TSHR: variants seen among roughly 807,000 people sequenced by gnomAD.
The protein encoded by TSHR is thyroid stimulating hormone receptor, also known as thyrotropin receptor.
In TSHR, 51 loss-of-function variants were observed where a neutral mutation model predicts 64.1. The observed-to-expected ratio is 0.80, with a 90% CI of 0.64 to 1.01. TSHR has a LOEUF of 1.01. Ranked by LOEUF, TSHR falls within the 50% of genes least tolerant of loss-of-function variation. The pLI, the probability that TSHR is intolerant of heterozygous loss-of-function variation, is 0.00. For missense variants in TSHR, 877 were observed against 942.8 expected, an observed-to-expected ratio of 0.93 and a Z score of 0.91; for synonymous variants, 361 against 361.9, an observed-to-expected ratio of 1.00 and a Z score of 0.03.
chr14:81,078,411 G>A (rs1169351459), intron 3 of TSHR, among the ~76,000 whole-genome samples: 1 of 152,074 alleles, frequency 6.6e-6, no homozygotes, highest in African/African-American at 2.4e-5. Flanking sequence ...TGTAAGTAAT[G>A]TGTTTTTTCC....
intron 8 of TSHR, among the ~76,000 whole-genome samples, chr14:81,128,128 T>C (rs1165247333): frequency 6.6e-6 from 1 of 152,232 alleles, no homozygotes; most frequent in Non-Finnish European, 1.5e-5. Flanking sequence ...TTTGTACACA[T>C]AGACTTTAAG....
intron 1 of TSHR, among the ~76,000 whole-genome samples, chr14:81,000,919 G>T (rs937569768): frequency 1.3e-5 from 2 of 152,138 alleles, no homozygotes; most frequent in African/African-American, 4.8e-5. Context: ...CTTACAGCTG[G>T]CAGGGAGAGG....
chr14:81,068,722 AT>A (rs1341288537), intron 3 of TSHR, among the ~76,000 whole-genome samples: 1 of 152,224 alleles, frequency 6.6e-6, no homozygotes, highest in African/African-American at 2.4e-5. Flanking sequence ...GCTTGGTGAG[AT>A]TAGAATAGTA....
intron 1 of TSHR, among the ~76,000 whole-genome samples, chr14:81,022,186 C>T (rs746328951): frequency 6.6e-6 from 1 of 151,072 alleles, no homozygotes; most frequent in Non-Finnish European, 1.5e-5. Context: ...AAGAGAATGG[C>T]GTGAACACGA....
At chr14:81,091,230 A>C (rs1888711987) in intron 5 of TSHR, 87 bp downstream of exon 5, 1 of 1,191,270 alleles carries the variant, frequency 8.4e-7, no homozygotes. Context: ...GGTTGAAGAT[A>C]AGTAAAGCAA....
chr14:81,114,196 C>G (rs1165612939), intron 8 of TSHR, among the ~76,000 whole-genome samples: 1 of 151,032 alleles, frequency 6.6e-6, no homozygotes, highest in African/African-American at 2.4e-5. Context: ...CGAATAGGAA[C>G]AGCTCCGGTC....
intron 4 of TSHR, among the ~76,000 whole-genome samples, chr14:81,088,763 C>T (rs1034861804): frequency 7.2e-5 from 11 of 152,186 alleles, no homozygotes; most frequent in African/African-American, 2.6e-4. Flanking sequence ...TAATCCCAAA[C>T]CCCAAAATAA....
chr14:81,011,046 C>T lies in TSHR; in HGVS notation c.171-51102C>T, dbSNP rs1889876024. Among the ~76,000 whole-genome samples the T allele has an allele frequency of 2.0e-5, 3 of 152,178 alleles. No individual in the cohort carries two copies. The South Asian group carries it at 6.2e-4, about 31-fold the overall frequency. The stretch of plus-strand genomic sequence containing the variant: ...ATCTTACTGTCGCTCTCTTGAGAGT[C>T]AAAGGCCTAGATGACAGCATTCAAT... On this transcript the variant is annotated intron_variant, in intron 1 of 9. Coordinates refer to ENST00000298171, the MANE Select transcript of TSHR (RefSeq NM_000369.5).
At chr14:81,075,374 C>T (rs180841517) in intron 3 of TSHR, among the ~76,000 whole-genome samples, 3 of 152,314 alleles carry the variant, frequency 2.0e-5, no homozygotes, top group African/African-American at 7.2e-5. Context: ...GTAACATTTT[C>T]ATCTTAACAG....
chr14:80,991,652 A>G (rs759221428), intron 1 of TSHR: 71 of 398,524 alleles, frequency 1.8e-4, no homozygotes, highest in Middle Eastern at 6.3e-4. Context: ...GGCTAAGCTG[A>G]CTGCCAAAAG....
At chr14:81,079,377 T>C (rs767867494) in intron 3 of TSHR, among the ~76,000 whole-genome samples, 3 of 152,170 alleles carry the variant, frequency 2.0e-5, no homozygotes, top group Non-Finnish European at 2.9e-5. Context: ...ATCTCACTAG[T>C]TTTTACCAAG....
intron 1 of TSHR, among the ~76,000 whole-genome samples, chr14:81,002,221 A>T (rs1490675203): frequency 6.6e-6 from 1 of 152,164 alleles, no homozygotes; most frequent in Non-Finnish European, 1.5e-5. Flanking sequence ...TCTGAAATAC[A>T]TCTGGCCCCA....
rs766597914 is a variant in TSHR at position 80,955,846 on chromosome 14, ACT to A, written c.169_170del (p.Leu57GlufsTer4). 1 of 1,614,126 alleles carries A rather than the reference ACT, an allele frequency of 6.2e-7. No homozygotes were observed. Among genetic ancestry groups the A allele is most frequent in the Non-Finnish European group, 8.5e-7 (1 of 1,180,018 alleles). On this transcript the variant is annotated frameshift_variant and splice_region_variant, in exon 1 of 10. Transcript: ENST00000298171. LOFTEE classifies it high-confidence loss of function. ...RIPSLPPSTQ[T>X]LKLIETHLRT... ...CCCCAGCTTACCGCCCAGTACGCAG[ACT>A]CTGTGAGTACCCGGGAGAGATCAGG...
intron 7 of TSHR, among the ~76,000 whole-genome samples, chr14:81,100,561 C>T (rs928826348): frequency 1.3e-5 from 2 of 152,226 alleles, no homozygotes; most frequent in African/African-American, 4.8e-5. Flanking sequence ...TCCCACAAGA[C>T]TGCCTGCTAC....
At chr14:81,100,385 C>CG in intron 7 of TSHR, among the ~76,000 whole-genome samples, 1 of 152,240 alleles carries the variant, frequency 6.6e-6, no homozygotes, top group Non-Finnish European at 1.5e-5. Context: ...GTTTTTCTAC[C>CG]ATCACACACT....
intron 6 of TSHR, among the ~76,000 whole-genome samples, chr14:81,094,042 G>A (rs1001907729): frequency 2.0e-5 from 3 of 152,138 alleles, no homozygotes; most frequent in Non-Finnish European, 4.4e-5. Flanking sequence ...AGAAACATCT[G>A]AGTGAGGGAA....
intron 1 of TSHR, among the ~76,000 whole-genome samples, chr14:81,044,309 C>T (rs958068360): frequency 1.3e-5 from 2 of 152,100 alleles, no homozygotes; most frequent in African/African-American, 4.8e-5. Context: ...ATACATGGGA[C>T]CAACAATCAT....
chr14:81,025,940 G>A (rs1193398759), intron 1 of TSHR, among the ~76,000 whole-genome samples: 1 of 152,174 alleles, frequency 6.6e-6, no homozygotes, highest in Non-Finnish European at 1.5e-5. Context: ...AAGGATGACA[G>A]TGCAGAGGTC....
At chr14:81,050,430 A>G (rs1356688875) in intron 1 of TSHR, 1 of 152,168 alleles carries the variant, frequency 6.6e-6, no homozygotes, top group Admixed American at 6.6e-5. Flanking sequence ...TGGTTCCCTA[A>G]AATAGTCTGC....
Sources: allele counts gnomAD v4.1 joint callset (sites outside exome capture counted in the v4.1 genomes callset), GRCh38; gene constraint gnomAD v4.1.1; transcripts MANE v1.5; gene names NCBI Gene and HGNC (gene_info 2026-07-23, HGNC 2026-07-21).